Variants in LSAMP observed in about 807,000 individuals in gnomAD.
The protein encoded by LSAMP is limbic system associated membrane protein.
Under a neutral mutation model 38.6 loss-of-function variants are expected in LSAMP, and 7 were observed. That is an observed-to-expected ratio of 0.18 (90% CI 0.10 to 0.34). The LOEUF (loss-of-function observed/expected upper bound fraction) is 0.34. LSAMP is among the 10% of genes least tolerant of loss of function. LSAMP has a pLI of 1.00. For missense variants in LSAMP, 313 were observed against 420.0 expected, an observed-to-expected ratio of 0.75 and a Z score of 2.23; for synonymous variants, 154 against 166.8, an observed-to-expected ratio of 0.92 and a Z score of 0.59.
At chr3:115,881,752 A>G (rs1576180766) in intron 3 of LSAMP, among the ~76,000 whole-genome samples, 1 of 152,156 alleles carries the variant, frequency 6.6e-6, no homozygotes, top group East Asian at 1.9e-4. Flanking sequence ...TAAAATGTGA[A>G]TTTGTTTTAG....
chr3:116,255,913 T>A (rs779524887), intron 1 of LSAMP, among the ~76,000 whole-genome samples: 9 of 152,194 alleles, frequency 5.9e-5, no homozygotes, highest in Non-Finnish European at 7.3e-5. Flanking sequence ...TTATTTATTT[T>A]TTTTGGTGAC....
At chr3:116,285,315 T>C (rs2047179607) in intron 1 of LSAMP, among the ~76,000 whole-genome samples, 1 of 152,138 alleles carries the variant, frequency 6.6e-6, no homozygotes, top group African/African-American at 2.4e-5. Context: ...GATCGAGACC[T>C]ATCTTCAGGA....
At chr3:115,982,175 T>C (rs1939379341) in intron 3 of LSAMP, among the ~76,000 whole-genome samples, 1 of 152,228 alleles carries the variant, frequency 6.6e-6, no homozygotes, top group African/African-American at 2.4e-5. Flanking sequence ...CCTAAGGCTT[T>C]CATAAGCGGT....
At position 116,444,392 on chromosome 3, in the gene LSAMP, A is replaced by ACACAC. The variant is rs141638402; in HGVS notation, c.155+484_155+485insGTGTG. Among the ~76,000 whole-genome samples the ACACAC allele has an allele frequency of 3.2e-3, 463 of 144,330 alleles. 7 individuals carry two copies. The highest frequency in any genetic ancestry group is 0.011 in the African/African-American group (439 of 38,714). The allele number at this position is 144,330 out of a possible 152,430, so 94.7% of individuals were successfully genotyped here. ...TGTGTGTGTGTGTGTTGGCATGAAA[A>ACACAC]ACACACACACACACACACAGACACG... On this transcript the variant is annotated intron_variant, in intron 1 of 6. Coordinates refer to ENST00000490035, the MANE Select transcript of LSAMP (RefSeq NM_002338.5).
At chr3:115,989,855 G>T (rs188406168) in intron 3 of LSAMP, among the ~76,000 whole-genome samples, 2 of 152,092 alleles carry the variant, frequency 1.3e-5, no homozygotes, top group East Asian at 3.9e-4. Context: ...TCCAGGCTGA[G>T]GACTTGATTT....
intron 1 of LSAMP, among the ~76,000 whole-genome samples, chr3:116,341,242 A>C (rs558584763): frequency 6.6e-6 from 1 of 152,170 alleles, no homozygotes; most frequent in South Asian, 2.1e-4. Context: ...AGAAGTAGAA[A>C]AAAACTAATA....
intron 1 of LSAMP, among the ~76,000 whole-genome samples, chr3:116,271,849 T>C (rs1175113574): frequency 6.6e-6 from 1 of 152,024 alleles, no homozygotes; most frequent in East Asian, 1.9e-4. Context: ...TCCTTTCTGC[T>C]ATAGAGAAGG....
chr3:116,341,400 C>G (rs1433942487), intron 1 of LSAMP, among the ~76,000 whole-genome samples: 1 of 151,738 alleles, frequency 6.6e-6, no homozygotes, highest in Admixed American at 6.6e-5. Context: ...GATAAGGAAA[C>G]AGTAGAAATA....
At chr3:116,112,545 C>A (rs566773113) in intron 1 of LSAMP, among the ~76,000 whole-genome samples, 1 of 152,312 alleles carries the variant, frequency 6.6e-6, no homozygotes, top group East Asian at 1.9e-4. Flanking sequence ...ACAATCCCTA[C>A]TCAGTCCTTC....
At chr3:115,894,037 C>T (rs2107465116) in intron 3 of LSAMP, among the ~76,000 whole-genome samples, 1 of 152,130 alleles carries the variant, frequency 6.6e-6, no homozygotes, top group African/African-American at 2.4e-5. Flanking sequence ...CTGCTTTCTC[C>T]CTTTTCACTT....
At chr3:115,813,225 T>G (rs1933897090) in intron 6 of LSAMP, among the ~76,000 whole-genome samples, 1 of 152,138 alleles carries the variant, frequency 6.6e-6, no homozygotes, top group African/African-American at 2.4e-5. Flanking sequence ...ATGAACCACG[T>G]ATACAAAGGA....
At chr3:115,924,538 A>G (rs1274311983) in intron 3 of LSAMP, among the ~76,000 whole-genome samples, 4 of 152,316 alleles carry the variant, frequency 2.6e-5, no homozygotes, top group African/African-American at 7.2e-5. Flanking sequence ...CTTGTCTAAA[A>G]TCACTTGGAC....
chr3:116,147,238 G>A (rs1309026567), intron 1 of LSAMP, among the ~76,000 whole-genome samples: 2 of 151,870 alleles, frequency 1.3e-5, no homozygotes, highest in Admixed American at 1.3e-4. Context: ...AGCATGTGAT[G>A]TGCTTATCCA....
chr3:116,061,730 T>A (rs1159699202), intron 2 of LSAMP, among the ~76,000 whole-genome samples: 1 of 152,224 alleles, frequency 6.6e-6, no homozygotes, highest in East Asian at 1.9e-4. Context: ...CTAAGCTTCA[T>A]AAAGGGACAG....
intron 3 of LSAMP, among the ~76,000 whole-genome samples, chr3:115,915,268 A>G (rs1340262696): frequency 6.6e-6 from 1 of 152,194 alleles, no homozygotes; most frequent in Non-Finnish European, 1.5e-5. Flanking sequence ...CAGCTCACTT[A>G]TATTGGGCAA....
chr3:116,006,723 A>T (rs1279747749), intron 3 of LSAMP, among the ~76,000 whole-genome samples: 1 of 152,232 alleles, frequency 6.6e-6, no homozygotes, highest in Non-Finnish European at 1.5e-5. Flanking sequence ...CATGACCATA[A>T]GCAATGGGCA....
chr3:115,916,109 A>ATATTAAAG (rs1937245696), intron 3 of LSAMP, among the ~76,000 whole-genome samples: 1 of 152,102 alleles, frequency 6.6e-6, no homozygotes, highest in Non-Finnish European at 1.5e-5. Flanking sequence ...CTTAAGTCCA[A>ATATTAAAG]CACCGATCAT....
At chr3:116,133,381 C>A (rs1036141392) in intron 1 of LSAMP, among the ~76,000 whole-genome samples, 1 of 152,046 alleles carries the variant, frequency 6.6e-6, no homozygotes, top group African/African-American at 2.4e-5. Flanking sequence ...GCCTCAATCT[C>A]CTGGGCTCCA....
intron 1 of LSAMP, among the ~76,000 whole-genome samples, chr3:116,292,940 C>T (rs2047287011): frequency 1.3e-5 from 2 of 152,158 alleles, no homozygotes; most frequent in Admixed American, 1.3e-4. Flanking sequence ...GGGAGGGTTA[C>T]CTCTTGAAAC....
Sources: allele counts gnomAD v4.1 joint callset (sites outside exome capture counted in the v4.1 genomes callset), GRCh38; gene constraint gnomAD v4.1.1; transcripts MANE v1.5; gene names NCBI Gene and HGNC (gene_info 2026-07-23, HGNC 2026-07-21).